TOPAZ1: variants seen among roughly 807,000 people sequenced by gnomAD.
TOPAZ1 encodes the protein protein TOPAZ1.
In TOPAZ1, 66 loss-of-function variants were observed where a neutral mutation model predicts 172.2. That is an observed-to-expected ratio of 0.38 (90% CI 0.31 to 0.47). The LOEUF (loss-of-function observed/expected upper bound fraction) is 0.47, where lower values mean the gene tolerates loss of function less well. TOPAZ1 is among the 20% of genes least tolerant of loss of function. The pLI is 0.99. For missense variants in TOPAZ1, 1,822 were observed against 1,972.4 expected (o/e 0.92, Z 1.44); for synonymous variants, 681 against 683.9 (o/e 1.00, Z 0.07).
intron 16 of TOPAZ1, among the ~76,000 whole-genome samples, chr3:44,318,700 C>T (rs970423194): frequency 3.3e-5 from 5 of 151,052 alleles, no homozygotes; most frequent in African/African-American, 1.2e-4. Context: ...GGCCAGGCCC[C>T]CTCTCCCAGG....
At chr3:44,316,853 A>G (rs1207209273) in intron 16 of TOPAZ1, among the ~76,000 whole-genome samples, 1 of 152,148 alleles carries the variant, frequency 6.6e-6, no homozygotes, top group Non-Finnish European at 1.5e-5. Flanking sequence ...TTTTTATCAT[A>G]TATTAGAATC....
At chr3:44,246,002 G>T (rs1033881937) in intron 2 of TOPAZ1, among the ~76,000 whole-genome samples, 4 of 152,146 alleles carry the variant, frequency 2.6e-5, no homozygotes, top group African/African-American at 9.7e-5. Context: ...TAGCCTCCTT[G>T]TTCGATAAAA....
At position 44,244,723 on chromosome 3, in the gene TOPAZ1, G is replaced by A; in HGVS notation, c.2217G>A (p.Met739Ile). Residue 739 changes from methionine to isoleucine, a missense_variant, in exon 2 of 20, where the codon ATG becomes ATA. Around this residue, in one of 2 missense-constraint regions of TOPAZ1, gnomAD observed 1,489 missense variants for 1,490.8 expected, o/e 1.00. Coordinates refer to ENST00000309765, the MANE Select transcript of TOPAZ1 (RefSeq NM_001145030.2). Reference sequence around the variant, plus strand: ...GTAAAGAAAATGTCTCCATGATGATGTTAGGACCTCAAACTTTGAGCATAC... The same window carrying A: ...GTAAAGAAAATGTCTCCATGATGATATTAGGACCTCAAACTTTGAGCATAC... ...NRSKENVSMM[M>I]LGPQTLSIRN... The A allele has an allele frequency of 6.4e-7, 1 of 1,551,480 alleles. No individual in the cohort carries two copies.
chr3:44,276,948 G>A lies in TOPAZ1; in HGVS notation c.3373-5020G>A, dbSNP rs113552140. 3.6e-3 allele frequency among the ~76,000 whole-genome samples: 541 copies of A among 151,610 alleles called. 9 individuals carry two copies. Among genetic ancestry groups the A allele is most frequent in the African/African-American group, 0.012 (498 of 41,282 alleles). On this transcript the variant is annotated intron_variant, in intron 8 of 19. Coordinates refer to ENST00000309765, the MANE Select transcript of TOPAZ1 (RefSeq NM_001145030.2). ...TGGGACTACAGCCATATGTCACCAC[G>A]CCCAGCTAATTTTTTTGTATTTTTA...
intron 18 of TOPAZ1, among the ~76,000 whole-genome samples, chr3:44,327,925 G>T (rs1475693373): frequency 6.6e-6 from 1 of 151,924 alleles, no homozygotes; most frequent in Non-Finnish European, 1.5e-5. Flanking sequence ...TTGTATTTTA[G>T]TAGGGATGGG....
At chr3:44,306,225 C>G in intron 14 of TOPAZ1, 101 bp from the exon 15 acceptor site, 1 of 706,118 alleles carries the variant, frequency 1.4e-6, no homozygotes, top group Non-Finnish European at 2.4e-6. Context: ...TTTGCCAACA[C>G]CTGGTCTTTA....
chr3:44,316,178 C>T (rs183327049), intron 16 of TOPAZ1, among the ~76,000 whole-genome samples: 206 of 151,962 alleles, frequency 1.4e-3, no homozygotes, highest in Non-Finnish European at 1.8e-3. Context: ...CCCCAGAGGT[C>T]GAGTCTGCAT....
chr3:44,294,518 A>G (rs1048003203), intron 12 of TOPAZ1, among the ~76,000 whole-genome samples: 2 of 152,256 alleles, frequency 1.3e-5, no homozygotes, highest in Admixed American at 6.5e-5. Flanking sequence ...TCTTTGAGAC[A>G]GTATCTCCCT....
chr3:44,280,768 C>T (rs546221930), intron 8 of TOPAZ1, among the ~76,000 whole-genome samples: 1 of 152,352 alleles, frequency 6.6e-6, no homozygotes, highest in South Asian at 2.1e-4. Context: ...CGCTGAGTCA[C>T]TGCCATTGGC....
rs1559541959 is a variant in TOPAZ1 at position 44,298,929 on chromosome 3, T to TGTTTGTTTG, written c.3798-5086_3798-5085insGTTTGTTTG. ...TATATATTTTTTTTTTTTTTTTTTT[T>TGTTTGTTTG]TTTTTCCCCCTGAGATAGAGTCTTG... On this transcript the variant is annotated intron_variant, in intron 12 of 19. Transcript: ENST00000309765. Among the ~76,000 whole-genome samples, 8 of 52,534 alleles carry TGTTTGTTTG rather than the reference T, an allele frequency of 1.5e-4. 1 individual carries two copies. Among genetic ancestry groups the TGTTTGTTTG allele is most frequent in the Admixed American group, 5.0e-4 (2 of 4,034 alleles). The allele number at this position is 52,534 out of a possible 152,430, so 34.5% of individuals were successfully genotyped here. A position where few individuals can be genotyped will look rare whatever the true frequency, so the allele number is the denominator to read the frequency against.
chr3:44,296,542 A>G (rs931831036), intron 12 of TOPAZ1, among the ~76,000 whole-genome samples: 4 of 152,088 alleles, frequency 2.6e-5, no homozygotes, highest in African/African-American at 9.7e-5. Context: ...AACTTGACAT[A>G]AACTCAGCAA....
Position 44,242,220 on chromosome 3 carries a change from C to G in TOPAZ1, c.167C>G (p.Ala56Gly). Residue 56 changes from alanine (A) to glycine (G), a missense_variant, in exon 1 of 20, where the codon GCC becomes GGC. Ala to Gly is a moderately conservative substitution (Grantham distance 60, BLOSUM62 0). Around this residue, in one of 2 missense-constraint regions of TOPAZ1, gnomAD observed 1,489 missense variants for 1,490.8 expected, o/e 1.00. Coordinates refer to ENST00000309765, the MANE Select transcript of TOPAZ1 (RefSeq NM_001145030.2). ...CAAAAGAGGAGAATGGTGGCCCGGG[C>G]CACCCCTGGGAGAGGCGAGGTGGAA... ...NKQKRRMVAR[A>G]TPGRGEVESD... The G allele has an allele frequency of 6.5e-7, 1 of 1,545,524 alleles. No homozygotes were observed. The highest frequency in any genetic ancestry group is 8.7e-7 in the Non-Finnish European group (1 of 1,145,234).
intron 2 of TOPAZ1, among the ~76,000 whole-genome samples, chr3:44,250,679 A>G (rs1373530289): frequency 6.6e-6 from 1 of 152,122 alleles, no homozygotes; most frequent in East Asian, 1.9e-4. Flanking sequence ...TTCTTCCTAT[A>G]TATTTAATTC....
Position 44,242,375 on chromosome 3 carries a change from C to T in TOPAZ1, c.322C>T (p.Leu108Phe). 4 of 1,552,372 alleles carry T rather than the reference C, an allele frequency of 2.6e-6. No homozygotes were observed. The highest frequency in any genetic ancestry group is 3.5e-6 in the Non-Finnish European group (4 of 1,147,142). Residue 108 changes from leucine (L) to phenylalanine (F), a missense_variant, in exon 1 of 20, where the codon CTC becomes TTC. Leu to Phe is a conservative substitution (Grantham distance 22, BLOSUM62 0). Around this residue, in one of 2 missense-constraint regions of TOPAZ1, gnomAD observed 1,489 missense variants for 1,490.8 expected, o/e 1.00. Transcript: ENST00000309765. ...RGLEAAKEAE[L>F]PLQTERHTKE... ...CCTAGAAGCAGCAAAGGAGGCTGAA[C>T]TCCCCTTGCAAACGGAAAGACACAG...
intron 8 of TOPAZ1, among the ~76,000 whole-genome samples, chr3:44,277,765 C>T (rs1699978929): frequency 6.6e-6 from 1 of 152,074 alleles, no homozygotes; most frequent in Non-Finnish European, 1.5e-5. Flanking sequence ...GAGATCTGGT[C>T]ATATAAAAGT....
At chr3:44,269,471 C>CTTTTTTTATTTTTTTTTTTT (rs1699870095) in intron 7 of TOPAZ1, among the ~76,000 whole-genome samples, 170 bp downstream of exon 7, 1 of 33,916 alleles carries the variant, frequency 2.9e-5, no homozygotes, top group Non-Finnish European at 4.8e-5. Flanking sequence ...TCCCTATCAT[C>CTTTTTTTATTTTTTTTTTTT]TTTTTTTTTT....
At chr3:44,294,076 C>T (rs1305913947) in intron 12 of TOPAZ1, among the ~76,000 whole-genome samples, 2 of 151,976 alleles carry the variant, frequency 1.3e-5, no homozygotes, top group Non-Finnish European at 2.9e-5. Flanking sequence ...CTCATCTCTA[C>T]AAAAAATAGA....
chr3:44,323,097 G>T lies in TOPAZ1; in HGVS notation c.4477G>T (p.Val1493Leu). Reference protein sequence around the residue: ...LPGFQNSQETVEVSQYSLLFN... With the variant: ...LPGFQNSQETLEVSQYSLLFN... ...TATCATTTTTTTTATTCCAGAAACT[G>T]TGGAAGTCTCACAATATAGCCTTCT... Residue 1493 changes from valine to leucine, a missense_variant, in exon 18 of 20, where the codon GTG (valine) becomes TTG (leucine). Transcript: ENST00000309765. 6.6e-7 allele frequency: 1 copy of T among 1,518,162 alleles called. No homozygotes were observed. Among genetic ancestry groups the T allele is most frequent in the Non-Finnish European group, 8.8e-7 (1 of 1,132,646 alleles). 94.0% of individuals were successfully genotyped at this position (1,518,162 alleles called of 1,614,324 possible).
chr3:44,245,286 G>A lies in TOPAZ1; in HGVS notation c.2765+15G>A, dbSNP rs199908472. On this transcript the variant is annotated intron_variant, in intron 2 of 19. Coordinates refer to ENST00000309765, the MANE Select transcript of TOPAZ1 (RefSeq NM_001145030.2). ...GATGACTTAAGGTATGCATGTTCAA[G>A]TATTCCTTTTAGTGCAGATTGTTGG... is the stretch of plus-strand genomic sequence containing the variant. 1.2e-5 allele frequency: 18 copies of A among 1,509,568 alleles called. No individual in the cohort carries two copies. Among genetic ancestry groups the A allele is most frequent in the Non-Finnish European group, 1.5e-5 (17 of 1,129,724 alleles). The allele number at this position is 1,509,568 out of a possible 1,614,324, so 93.5% of individuals were successfully genotyped here. A position where few individuals can be genotyped will look rare whatever the true frequency, so the allele number is the denominator to read the frequency against.
Sources: allele counts gnomAD v4.1 joint callset (sites outside exome capture counted in the v4.1 genomes callset), GRCh38; gene constraint gnomAD v4.1.1; regional missense constraint gnomAD v4.1.1; transcripts MANE v1.5; gene names NCBI Gene and HGNC (gene_info 2026-07-23, HGNC 2026-07-21).